The following SLC26A4 variants were observed in gnomAD, a reference collection of about 807,000 sequenced individuals.
SLC26A4 encodes the protein pendrin.
A neutral mutation model predicts 90.4 loss-of-function variants in SLC26A4; 93 were observed. That is an observed-to-expected ratio of 1.03 (90% CI 0.87 to 1.22). The LOEUF (loss-of-function observed/expected upper bound fraction) is 1.22, where lower values mean the gene tolerates loss of function less well. SLC26A4 is among the 50% of genes most tolerant of loss of function. SLC26A4 has a pLI of 0.00. For missense variants in SLC26A4, 1,127 were observed against 946.2 expected (o/e 1.19, Z -2.51); for synonymous variants, 393 against 354.6 (o/e 1.11, Z -1.22).
At chr7:107,675,132 G>A in intron 6 of SLC26A4, 23 bp downstream of exon 6, 2 of 1,609,824 alleles carry the variant, frequency 1.2e-6, no homozygotes, top group Non-Finnish European at 1.7e-6. Flanking sequence ...TCTTGCTCCA[G>A]GGATGGGTCA....
At chr7:107,713,921 T>G (rs552622675) in intron 20 of SLC26A4, among the ~76,000 whole-genome samples, 7 of 151,940 alleles carry the variant, frequency 4.6e-5, no homozygotes, top group South Asian at 2.1e-4. Flanking sequence ...ATTATTATTA[T>G]TATTATTATT....
At chr7:107,685,678 G>A (rs747188554) in intron 8 of SLC26A4, among the ~76,000 whole-genome samples, 14 of 152,106 alleles carry the variant, frequency 9.2e-5, no homozygotes, top group Non-Finnish European at 1.0e-4. Context: ...ACACCTAAGC[G>A]CCCCACTAGG....
chr7:107,680,021 CTTA>C (rs568442259), intron 6 of SLC26A4, among the ~76,000 whole-genome samples: 3,707 of 129,146 alleles, frequency 0.029, 76 homozygotes, highest in Middle Eastern at 0.047. Context: ...ATAATATAAT[CTTA>C]TTATATAATA....
chr7:107,692,459 G>A (rs1338317735), intron 10 of SLC26A4, among the ~76,000 whole-genome samples: 19 of 152,194 alleles, frequency 1.2e-4, no homozygotes. Context: ...GCAAGAAAAT[G>A]TAAAGCCTTA....
chr7:107,666,409 A>G (rs1489756279), intron 3 of SLC26A4, among the ~76,000 whole-genome samples: 1 of 152,036 alleles, frequency 6.6e-6, no homozygotes, highest in African/African-American at 2.4e-5. Flanking sequence ...TTTTGTAGAG[A>G]CAAGGTTTCA....
chr7:107,670,365 C>T (rs143758602), intron 3 of SLC26A4, among the ~76,000 whole-genome samples: 2 of 152,096 alleles, frequency 1.3e-5, no homozygotes, highest in African/African-American at 4.8e-5. Context: ...CTTCGGCCTC[C>T]CAAAGTGCTG....
Position 107,710,132 on chromosome 7 carries a change from A to C in SLC26A4, c.2168A>C (p.His723Pro). 1 of 1,609,094 alleles carries C rather than the reference A, an allele frequency of 6.2e-7. No individual in the cohort carries two copies. ...AAGGACACATTCTTTTTGACGGTCC[A>C]TGATGCTATACTCTATCTACAGAAC... ...IRKDTFFLTV[H>P]DAILYLQNQV... The change falls in exon 19 of 21, where the codon CAT (histidine) becomes CCT (proline). Residue 723 changes from histidine to proline, a missense_variant. Coordinates refer to ENST00000644269, the MANE Select transcript of SLC26A4 (RefSeq NM_000441.2).
chr7:107,675,546 G>T (rs1426022625), intron 6 of SLC26A4, among the ~76,000 whole-genome samples: 1 of 24 alleles, frequency 0.042, no homozygotes, highest in Non-Finnish European at 0.071. Context: ...ACTTGAGTCT[G>T]GGAGCACCCA....
intron 3 of SLC26A4, among the ~76,000 whole-genome samples, chr7:107,663,952 G>C (rs1474951813): frequency 2.0e-5 from 3 of 151,934 alleles, no homozygotes; most frequent in African/African-American, 7.3e-5. Context: ...CAAAATGCTG[G>C]GATTACAGGC....
chr7:107,697,816 AT>A (rs918934944), intron 13 of SLC26A4, among the ~76,000 whole-genome samples: 3 of 152,098 alleles, frequency 2.0e-5, no homozygotes, highest in Non-Finnish European at 2.9e-5. Flanking sequence ...GATGCTCATT[AT>A]TTCTCTCAGC....
intron 6 of SLC26A4, among the ~76,000 whole-genome samples, chr7:107,675,345 A>C (rs1359987178): frequency 6.6e-6 from 1 of 150,870 alleles, no homozygotes; most frequent in African/African-American, 2.4e-5. Context: ...GAAAAAATCC[A>C]AAAATCCGAA....
chr7:107,688,726 C>T (rs1210216955), intron 8 of SLC26A4, among the ~76,000 whole-genome samples: 1 of 152,080 alleles, frequency 6.6e-6, no homozygotes, highest in Non-Finnish European at 1.5e-5. Flanking sequence ...GAAGGAGAAA[C>T]ACTAACATGT....
chr7:107,685,169 C>T (rs1340867144), intron 8 of SLC26A4, among the ~76,000 whole-genome samples: 2 of 152,104 alleles, frequency 1.3e-5, no homozygotes, highest in African/African-American at 2.4e-5. Flanking sequence ...TCAGCTCTGT[C>T]CCAGAGCACA....
chr7:107,688,701 T>C (rs1048408865), intron 8 of SLC26A4, among the ~76,000 whole-genome samples: 1 of 152,162 alleles, frequency 6.6e-6, no homozygotes, highest in Non-Finnish European at 1.5e-5. Context: ...CAAAGAACTT[T>C]AAGATGGAAT....
intron 6 of SLC26A4, among the ~76,000 whole-genome samples, chr7:107,680,167 CTTATCTTATTATAT>C (rs1791175324): frequency 8.6e-6 from 1 of 115,930 alleles, no homozygotes; most frequent in Non-Finnish European, 1.6e-5. Flanking sequence ...ATAATATAAT[CTTATCTTATTATAT>C]AATATAATCT....
chr7:107,673,654 T>C (rs1341898656), intron 4 of SLC26A4, among the ~76,000 whole-genome samples: 2 of 152,216 alleles, frequency 1.3e-5, no homozygotes, highest in Non-Finnish European at 2.9e-5. Context: ...CTGAATGTTG[T>C]ATTCTAATAA....
chr7:107,701,885 T>C lies in SLC26A4; in HGVS notation c.1862T>C (p.Ile621Thr). 6.2e-7 allele frequency: 1 copy of C among 1,613,698 alleles called. No homozygotes were observed. Among genetic ancestry groups the C allele is most frequent in the Non-Finnish European group, 8.5e-7 (1 of 1,179,580 alleles). Residue 621 changes from isoleucine (I) to threonine (T), a missense_variant, in exon 17 of 21, where the codon ATT becomes ACT. Transcript: ENST00000644269. The part of the protein sequence containing the change: ...TNNAFEPDED[I>T]EDLEELDIPT... ...AATGCTTTTGAGCCTGATGAGGATA[T>C]TGAAGATCTGGAGGAACTTGATATC...
intron 12 of SLC26A4, among the ~76,000 whole-genome samples, chr7:107,695,282 C>G (rs1791707923): frequency 6.6e-6 from 1 of 151,798 alleles, no homozygotes; most frequent in Non-Finnish European, 1.5e-5. Flanking sequence ...CAGACACAGG[C>G]AGAAATAAAA....
intron 8 of SLC26A4, 144 bp downstream of exon 8, chr7:107,683,681 A>G (rs760709935): frequency 7.1e-5 from 50 of 702,740 alleles, no homozygotes; most frequent in Non-Finnish European, 9.4e-5. Flanking sequence ...AGAAACAACC[A>G]TAAGACAAAC....
Sources: allele counts gnomAD v4.1 joint callset (sites outside exome capture counted in the v4.1 genomes callset), GRCh38; gene constraint gnomAD v4.1.1; transcripts MANE v1.5; gene names NCBI Gene and HGNC (gene_info 2026-07-23, HGNC 2026-07-21).